The following CNDP2 variants were observed in gnomAD, a reference collection of about 807,000 sequenced individuals.
CNDP2 encodes carnosine dipeptidase 2.
CNDP2 carries 38 observed loss-of-function variants against 55.0 expected under a neutral mutation model. That is an observed-to-expected ratio of 0.69 (90% CI 0.53 to 0.90). The LOEUF (loss-of-function observed/expected upper bound fraction) is 0.90, where lower values mean the gene tolerates loss of function less well. CNDP2 is among the 40% of genes least tolerant of loss of function. The probability of loss-of-function intolerance (pLI) is 0.00; values close to 1 mark genes in which losing one functional copy is unlikely to be tolerated. For missense variants in CNDP2, 607 were observed against 621.7 expected, an observed-to-expected ratio of 0.98 and a Z score of 0.25; for synonymous variants, 241 against 260.2, an observed-to-expected ratio of 0.93 and a Z score of 0.71.
rs112548120 is a variant in CNDP2 at position 74,518,941 on chromosome 18, C to A, written c.1211-8C>A. 4,272 of 1,475,756 alleles carry A rather than the reference C, an allele frequency of 2.9e-3. 90 individuals carry two copies. The African/African-American group carries it at 0.094, about 33-fold the overall frequency. The allele number at this position is 1,475,756 out of a possible 1,614,324, so 91.4% of individuals were successfully genotyped here. ...GCTCACCGTTTATTTTATTTCATTT[C>A]CCCCCAGTTTTTGGTGTTGAGCCAG... is the stretch of plus-strand genomic sequence containing the variant. On this transcript the variant is annotated splice_region_variant and splice_polypyrimidine_tract_variant and intron_variant, in intron 10 of 11. Transcript: ENST00000324262.
intron 1 of CNDP2, among the ~76,000 whole-genome samples, chr18:74,498,448 A>T (rs1240698365): frequency 6.6e-6 from 1 of 152,190 alleles, no homozygotes; most frequent in Non-Finnish European, 1.5e-5. Flanking sequence ...TGGAAATGTT[A>T]TGTGGCACGT....
chr18:74,498,132 G>C (rs964082790), intron 1 of CNDP2: 1 of 152,158 alleles, frequency 6.6e-6, no homozygotes, highest in African/African-American at 2.4e-5. Context: ...TCGTAACTTA[G>C]ATAATTACAG....
rs1980078022 is a variant in CNDP2 at position 74,522,008 on chromosome 18, A to G, written c.*1940A>G. 1 of 152,262 alleles carries G rather than the reference A, an allele frequency of 6.6e-6. No homozygotes were observed. Among genetic ancestry groups the G allele is most frequent in the African/African-American group, 2.4e-5 (1 of 41,446 alleles). 9.4% of individuals were successfully genotyped at this position (152,262 alleles called of 1,614,324 possible). A position where few individuals can be genotyped will look rare whatever the true frequency, so the allele number is the denominator to read the frequency against. On this transcript the variant is annotated 3_prime_UTR_variant, in exon 12 of 12. Coordinates refer to ENST00000324262, the MANE Select transcript of CNDP2 (RefSeq NM_018235.3). Reference sequence around the variant, plus strand: ...TGCCAGTTCTGGGAACATCACACTCATCGTGACAAAACATCAGACAAACCC... The same window carrying G: ...TGCCAGTTCTGGGAACATCACACTCGTCGTGACAAAACATCAGACAAACCC...
chr18:74,516,456 A>G, intron 9 of CNDP2, 64 bp downstream of exon 9: 2 of 1,482,782 alleles, frequency 1.3e-6, no homozygotes, highest in Non-Finnish European at 1.8e-6. Context: ...AGACTTGGGT[A>G]ATATAGGCTG....
chr18:74,509,163 G>A (rs904566564), intron 5 of CNDP2: 8 of 496,850 alleles, frequency 1.6e-5, no homozygotes, highest in African/African-American at 3.8e-5. Context: ...CAATATTGGC[G>A]ACTCAGCGTG....
At chr18:74,511,107 G>A in intron 6 of CNDP2, 94 bp downstream of exon 6, 1 of 1,071,580 alleles carries the variant, frequency 9.3e-7, no homozygotes, top group Non-Finnish European at 1.3e-6. Flanking sequence ...GAAGTCAGGT[G>A]CACAGGAAGG....
chr18:74,518,906 G>A, intron 10 of CNDP2, 43 bp from the exon 11 acceptor site: 1 of 1,609,742 alleles, frequency 6.2e-7, no homozygotes, highest in Non-Finnish European at 8.5e-7. Flanking sequence ...CCCAGCCTTA[G>A]GGCCCCAAAG....
intron 5 of CNDP2, 176 bp downstream of exon 5, chr18:74,509,104 CT>C: frequency 1.8e-6 from 1 of 555,066 alleles, no homozygotes; most frequent in South Asian, 2.5e-5. Context: ...TGTTTTCCAG[CT>C]TTAGGAAACA....
intron 11 of CNDP2, among the ~76,000 whole-genome samples, 172 bp downstream of exon 11, chr18:74,519,268 G>A (rs1979915432): frequency 6.6e-6 from 1 of 152,222 alleles, no homozygotes; most frequent in African/African-American, 2.4e-5. Context: ...GCAGGACGAG[G>A]CCTTGCAGGA....
intron 8 of CNDP2, among the ~76,000 whole-genome samples, chr18:74,515,799 C>T (rs893569538): frequency 3.3e-5 from 5 of 152,128 alleles, no homozygotes; most frequent in Non-Finnish European, 5.9e-5. Context: ...ACGGGCTGCT[C>T]GCCTGTGTCC....
intron 3 of CNDP2, among the ~76,000 whole-genome samples, chr18:74,504,436 A>T (rs1442038451): frequency 6.6e-6 from 1 of 152,272 alleles, no homozygotes; most frequent in Non-Finnish European, 1.5e-5. Context: ...AATTACTGGG[A>T]ACACAAATCC....
At position 74,522,449 on chromosome 18, in the gene CNDP2, C is replaced by G. The variant is rs1980106869; in HGVS notation, c.*2381C>G. 6.6e-6 allele frequency: 1 copy of G among 152,260 alleles called. No homozygotes were observed. The highest frequency in any genetic ancestry group is 1.5e-5 in the Non-Finnish European group (1 of 68,058). The allele number at this position is 152,260 out of a possible 1,614,324, so 9.4% of individuals were successfully genotyped here. On this transcript the variant is annotated 3_prime_UTR_variant, in exon 12 of 12. Transcript: ENST00000324262. Reference sequence around the variant, plus strand: ...AGTCAGGAACCCATGCTGAGAGGTGCTATGCTTTGAATGTTTGGCTCCTCC... The same window carrying G: ...AGTCAGGAACCCATGCTGAGAGGTGGTATGCTTTGAATGTTTGGCTCCTCC...
intron 10 of CNDP2, 57 bp downstream of exon 10, chr18:74,518,697 A>G: frequency 6.2e-7 from 1 of 1,608,592 alleles, no homozygotes; most frequent in Non-Finnish European, 8.5e-7. Context: ...GTCTGACAGG[A>G]CTCTGCTATA....
rs1979895993 is a variant in CNDP2 at position 74,519,036 on chromosome 18, T to C, written c.1298T>C (p.Met433Thr). The C allele has an allele frequency of 6.2e-7, 1 of 1,613,962 alleles. No homozygotes were observed. The highest frequency in any genetic ancestry group is 1.7e-5 in the Admixed American group (1 of 60,008). ...CAGGAGGCCACGGGCAAGAACGTCA[T>C]GCTGCTGCCTGTGGGGTCAGCGGAT... Reference protein sequence around the residue: ...TFQEATGKNVMLLPVGSADDG... With the variant: ...TFQEATGKNVTLLPVGSADDG... Residue 433 changes from methionine to threonine, a missense_variant, in exon 11 of 12, where the codon ATG (methionine) becomes ACG (threonine). Met to Thr is a moderately conservative substitution (Grantham distance 81). Coordinates refer to ENST00000324262, the MANE Select transcript of CNDP2 (RefSeq NM_018235.3).
chr18:74,507,137 A>T (rs1568279236), intron 4 of CNDP2: 1 of 152,236 alleles, frequency 6.6e-6, no homozygotes, highest in South Asian at 2.1e-4. Context: ...GGTGGATTGT[A>T]GGATTAACCC....
chr18:74,503,072 C>T (rs1347500359), intron 3 of CNDP2, among the ~76,000 whole-genome samples: 16 of 27,326 alleles, frequency 5.9e-4, no homozygotes, highest in African/African-American at 2.8e-3. Context: ...TGCTCCCTTT[C>T]GTTTTTTTTT....
Position 74,521,917 on chromosome 18 carries a change from A to G in CNDP2, c.*1849A>G, listed in dbSNP as rs142532283. 6.1e-3 allele frequency: 936 copies of G among 152,448 alleles called. 8 individuals carry two copies. Among genetic ancestry groups the G allele is most frequent in the Non-Finnish European group, 7.9e-3 (535 of 68,072 alleles). 9.4% of individuals were successfully genotyped at this position (152,448 alleles called of 1,614,324 possible). ...CCTGGCAGGCACCACCCTCAGATCAAAATGAACCTCAGCAGTAATGACACG... is the reference window on the plus strand; with the variant it reads ...CCTGGCAGGCACCACCCTCAGATCAGAATGAACCTCAGCAGTAATGACACG... On this transcript the variant is annotated 3_prime_UTR_variant, in exon 12 of 12. Transcript: ENST00000324262.
At chr18:74,504,508 T>C (rs1289263547) in intron 3 of CNDP2, among the ~76,000 whole-genome samples, 2 of 152,388 alleles carry the variant, frequency 1.3e-5, no homozygotes, top group East Asian at 3.9e-4. Context: ...CACTTAGAGC[T>C]GGAGGCCCTG....
intron 4 of CNDP2, among the ~76,000 whole-genome samples, chr18:74,506,380 CCCA>C (rs1397069345): frequency 2.6e-5 from 4 of 152,118 alleles, no homozygotes; most frequent in Non-Finnish European, 4.4e-5. Context: ...AGTGATCCCC[CCCA>C]CCTCAGCCTC....
Sources: gnomAD v4.1 joint callset for allele counts (sites outside exome capture counted in the v4.1 genomes callset) on GRCh38, gnomAD v4.1.1 for gene constraint, MANE v1.5 for transcripts, NCBI Gene and HGNC (gene_info 2026-07-23, HGNC 2026-07-21) for gene names.